RAI14: variants seen among roughly 807,000 people sequenced by gnomAD.
The protein encoded by RAI14 is retinoic acid induced 14.
In RAI14, 45 loss-of-function variants were observed where a neutral mutation model predicts 115.4. The observed-to-expected ratio is 0.39, with a 90% CI of 0.31 to 0.50. The LOEUF is 0.50. Ranked by LOEUF, RAI14 falls within the 20% of genes least tolerant of loss-of-function variation. RAI14 has a pLI of 0.85. For synonymous variants in RAI14, 371 were observed against 415.4 expected, an observed-to-expected ratio of 0.89 and a Z score of 1.30; for missense variants, 939 against 1,131.2, an observed-to-expected ratio of 0.83 and a Z score of 2.44.
chr5:34,674,218 G>C (rs1443433428), intron 1 of RAI14, among the ~76,000 whole-genome samples: 1 of 152,172 alleles, frequency 6.6e-6, no homozygotes, highest in African/African-American at 2.4e-5. Flanking sequence ...CCCTTCTAGG[G>C]CATCAGAGTT....
At chr5:34,806,358 G>C (rs1380403528) in intron 5 of RAI14, among the ~76,000 whole-genome samples, 1 of 152,096 alleles carries the variant, frequency 6.6e-6, no homozygotes, top group East Asian at 1.9e-4. Flanking sequence ...GAAGTGTGAG[G>C]GGCTTTTAAG....
intron 2 of RAI14, among the ~76,000 whole-genome samples, chr5:34,714,282 A>G (rs1041993402): frequency 6.6e-6 from 1 of 152,056 alleles, no homozygotes; most frequent in East Asian, 1.9e-4. Context: ...CTGTTCCTCA[A>G]CTCATTGTTC....
chr5:34,791,178 TG>T lies in RAI14; in HGVS notation c.168-4760del, dbSNP rs1023831945. 6.6e-6 allele frequency among the ~76,000 whole-genome samples: 1 copy of T among 152,200 alleles called. No homozygotes were observed. The highest frequency in any genetic ancestry group is 2.4e-5 in the African/African-American group (1 of 41,454). ...CATGTGTGTTGGTGCCCATATGTAT[TG>T]TTTGGGGTTTGGTTATTCTCTCAAA... On this transcript the variant is annotated intron_variant, in intron 3 of 17. Transcript: ENST00000265109. The surrounding 1 kb of genome is among the most constrained non-coding windows in gnomAD (Gnocchi z 5.4).
chr5:34,774,072 C>A (rs1750526899), intron 3 of RAI14, among the ~76,000 whole-genome samples: 1 of 152,038 alleles, frequency 6.6e-6, no homozygotes. Context: ...GATAAACAAG[C>A]CTGGGCGCAG....
chr5:34,661,488 G>C (rs1742683967), intron 1 of RAI14, among the ~76,000 whole-genome samples: 1 of 152,060 alleles, frequency 6.6e-6, no homozygotes, highest in Admixed American at 6.6e-5. Context: ...TATCCTAAAT[G>C]GTGCTGGTAT....
chr5:34,812,779 T>G (rs1409751744), intron 10 of RAI14, among the ~76,000 whole-genome samples: 1 of 152,238 alleles, frequency 6.6e-6, no homozygotes, highest in Non-Finnish European at 1.5e-5. Flanking sequence ...AACTCATACT[T>G]CCTATTGGTG....
rs1757132443 is a variant in RAI14 at position 34,823,513 on chromosome 5, G to A, written c.1671G>A (p.Glu557=). The A allele has an allele frequency of 6.2e-7, 1 of 1,614,086 alleles. No homozygotes were observed. Among genetic ancestry groups the A allele is most frequent in the Non-Finnish European group, 8.5e-7 (1 of 1,180,016 alleles). Reference sequence around the variant, plus strand: ...ATAAAGAGAAAGTGAGAGAGTTAGAGGAAAAACTGGTAGAGAGGGAGAAAG... The same window carrying A: ...ATAAAGAGAAAGTGAGAGAGTTAGAAGAAAAACTGGTAGAGAGGGAGAAAG... ...ERNKEKVREL[E]EKLVEREKGT... Residue 557 remains glutamate, a synonymous_variant, in exon 15 of 18, where the codon GAG becomes GAA. Coordinates refer to ENST00000265109, the MANE Select transcript of RAI14 (RefSeq NM_015577.3). This position sits in a 1 kb window ranked among gnomAD's most constrained non-coding sequence, Gnocchi z 4.5.
intron 2 of RAI14, among the ~76,000 whole-genome samples, chr5:34,751,762 T>A (rs1051097829): frequency 6.6e-6 from 1 of 152,146 alleles, no homozygotes; most frequent in Non-Finnish European, 1.5e-5. Flanking sequence ...TATACACAGG[T>A]TGGGGAAAGA....
At chr5:34,785,371 T>C (rs1202385953) in intron 3 of RAI14, among the ~76,000 whole-genome samples, 2 of 152,130 alleles carry the variant, frequency 1.3e-5, no homozygotes, top group Admixed American at 1.3e-4. Context: ...ATGCATCATA[T>C]GTTGACTTTG....
chr5:34,725,876 C>G (rs754953202), intron 2 of RAI14, among the ~76,000 whole-genome samples: 3 of 148,472 alleles, frequency 2.0e-5, no homozygotes, highest in Non-Finnish European at 4.4e-5. Flanking sequence ...GCAGGAGAAT[C>G]GCTTGAATCT....
chr5:34,736,124 G>C (rs1301322519), intron 2 of RAI14, among the ~76,000 whole-genome samples: 5 of 148,616 alleles, frequency 3.4e-5, no homozygotes, highest in African/African-American at 7.4e-5. Flanking sequence ...AATTCAGCTG[G>C]GCGCGGTGAC....
At chr5:34,778,658 C>G (rs1422014660) in intron 3 of RAI14, among the ~76,000 whole-genome samples, 1 of 151,870 alleles carries the variant, frequency 6.6e-6, no homozygotes, top group East Asian at 1.9e-4. Context: ...TGGCTCACAC[C>G]TGTAACCCCA....
intron 3 of RAI14, among the ~76,000 whole-genome samples, chr5:34,787,496 T>C (rs1472903643): frequency 6.6e-6 from 1 of 152,210 alleles, no homozygotes; most frequent in Non-Finnish European, 1.5e-5. Context: ...AAGGAGCATG[T>C]ATTATACAAT....
intron 3 of RAI14, among the ~76,000 whole-genome samples, chr5:34,773,975 G>A (rs1325114416): frequency 6.6e-6 from 1 of 152,118 alleles, no homozygotes; most frequent in Admixed American, 6.6e-5. Flanking sequence ...AAATTGGAAA[G>A]GAAAAAGCCA....
chr5:34,701,365 T>G (rs989943238), intron 2 of RAI14, among the ~76,000 whole-genome samples: 6 of 152,316 alleles, frequency 3.9e-5, no homozygotes, highest in Non-Finnish European at 8.8e-5. Flanking sequence ...GTTAACATAG[T>G]TACATCTTTT....
At chr5:34,788,570 C>G in intron 3 of RAI14, among the ~76,000 whole-genome samples, 1 of 152,260 alleles carries the variant, frequency 6.6e-6, no homozygotes, top group East Asian at 1.9e-4. Flanking sequence ...ATGAGTACTT[C>G]TGGCTATAGA....
intron 3 of RAI14, among the ~76,000 whole-genome samples, chr5:34,789,927 A>G (rs1752729018): frequency 6.6e-6 from 1 of 152,170 alleles, no homozygotes; most frequent in African/African-American, 2.4e-5. Flanking sequence ...CCTCCTTAAT[A>G]TCCTGCTTCT....
In RAI14 at chr5:34,720,401, A is replaced by ATT. The variant is rs35380327; in HGVS notation, c.36+33472_36+33473dup. ...AAGTCATTCTATGACCCTGTCTCAGATTTTTTTTTTTTTTTTTTTTTTTTT... is the reference window on the plus strand; with the variant it reads ...AAGTCATTCTATGACCCTGTCTCAGATTTTTTTTTTTTTTTTTTTTTTTTTTT... On this transcript the variant is annotated intron_variant, in intron 2 of 17. Coordinates refer to ENST00000265109, the MANE Select transcript of RAI14 (RefSeq NM_015577.3). Among the ~76,000 whole-genome samples the ATT allele has an allele frequency of 7.1e-4, 57 of 80,256 alleles. 1 individual carries two copies. The highest frequency in any genetic ancestry group is 9.5e-4 in the Admixed American group (6 of 6,322). 52.7% of individuals were successfully genotyped at this position (80,256 alleles called of 152,430 possible).
At chr5:34,793,364 C>T (rs1006817675) in intron 3 of RAI14, among the ~76,000 whole-genome samples, 3 of 152,126 alleles carry the variant, frequency 2.0e-5, no homozygotes, top group Non-Finnish European at 4.4e-5. Context: ...CAGTTCCAGC[C>T]ACCCATAAAA....
Sources: gnomAD v4.1 joint callset for allele counts (sites outside exome capture counted in the v4.1 genomes callset) on GRCh38, gnomAD v4.1.1 for gene constraint, Gnocchi (gnomAD v3.1) non-coding constraint, MANE v1.5 for transcripts, NCBI Gene and HGNC (gene_info 2026-07-23, HGNC 2026-07-21) for gene names.